The following SLC24A4 variants were observed in gnomAD, a reference collection of about 807,000 sequenced individuals.
The protein encoded by SLC24A4 is sodium/potassium/calcium exchanger 4.
A neutral mutation model predicts 79.0 loss-of-function variants in SLC24A4; 53 were observed. The ratio of observed to expected loss-of-function variants is 0.67; its 90% confidence interval spans 0.54 to 0.84. SLC24A4 has a LOEUF of 0.84. Ranked by LOEUF, SLC24A4 falls within the 40% of genes least tolerant of loss-of-function variation. The pLI, the probability that SLC24A4 is intolerant of heterozygous loss-of-function variation, is 0.00. For missense variants in SLC24A4, 731 were observed against 822.0 expected (o/e 0.89, Z 1.35); for synonymous variants, 323 against 323.8 (o/e 1.00, Z 0.03).
rs1031200811 is a variant in SLC24A4 at position 92,499,437 on chromosome 14, T to C, written c.*5809T>C. 2.0e-5 allele frequency: 3 copies of C among 152,226 alleles called. No homozygotes were observed. The highest frequency in any genetic ancestry group is 2.9e-5 in the Non-Finnish European group (2 of 68,040). 9.4% of individuals were successfully genotyped at this position (152,226 alleles called of 1,614,324 possible). On this transcript the variant is annotated 3_prime_UTR_variant, in exon 17 of 17. Transcript: ENST00000532405. ...TCCCTTGGATTTACAGGTCTGGGAATTGGCTGCTTCTTAGTTATAACCCCA... is the reference window on the plus strand; with the variant it reads ...TCCCTTGGATTTACAGGTCTGGGAACTGGCTGCTTCTTAGTTATAACCCCA...
intron 2 of SLC24A4, among the ~76,000 whole-genome samples, chr14:92,392,305 A>G (rs887873846): frequency 1.3e-5 from 2 of 151,768 alleles, no homozygotes; most frequent in African/African-American, 4.8e-5. Context: ...AAAAGACGAT[A>G]GCAAAAAATG....
chr14:92,345,998 GT>G (rs1471585360), intron 2 of SLC24A4, among the ~76,000 whole-genome samples: 1 of 152,164 alleles, frequency 6.6e-6, no homozygotes, highest in African/African-American at 2.4e-5. Flanking sequence ...AAAATCAGGT[GT>G]TTGGGGAGGT....
At chr14:92,444,774 G>C (rs1892694029) in intron 7 of SLC24A4, among the ~76,000 whole-genome samples, 1 of 152,096 alleles carries the variant, frequency 6.6e-6, no homozygotes, top group Non-Finnish European at 1.5e-5. Context: ...AGAATTGCTT[G>C]AACCTGGGAG....
chr14:92,393,728 A>G (rs1037874314), intron 2 of SLC24A4, among the ~76,000 whole-genome samples: 3 of 151,836 alleles, frequency 2.0e-5, no homozygotes, highest in Admixed American at 6.6e-5. Flanking sequence ...GAATTTTTTA[A>G]GGCTGGGCAT....
intron 12 of SLC24A4, among the ~76,000 whole-genome samples, chr14:92,475,559 G>T (rs1417488185): frequency 6.6e-6 from 1 of 152,232 alleles, no homozygotes; most frequent in Non-Finnish European, 1.5e-5. Context: ...GGCTGGCGGG[G>T]TTAACGGCTT....
chr14:92,358,851 T>C (rs1482993914), intron 2 of SLC24A4, among the ~76,000 whole-genome samples: 1 of 151,812 alleles, frequency 6.6e-6, no homozygotes, highest in Non-Finnish European at 1.5e-5. Context: ...CGTCATTTAA[T>C]TTTTGTGTTT....
At chr14:92,341,560 G>A (rs1886143332) in intron 2 of SLC24A4, among the ~76,000 whole-genome samples, 1 of 152,258 alleles carries the variant, frequency 6.6e-6, no homozygotes, top group Admixed American at 6.5e-5. Context: ...GTGTGAACAA[G>A]AGCACTTGAG....
rs746262604 is a variant in SLC24A4, at chr14:92,406,550, G to A, written c.242-27362G>A. On this transcript the variant is annotated intron_variant, in intron 2 of 16. Coordinates refer to ENST00000532405, the MANE Select transcript of SLC24A4 (RefSeq NM_153646.4). ...TTCCATACATCCTCTAAAATCTAGC[G>A]GAGGCTCCAAAATCTCAACTCTTGT... Among the ~76,000 whole-genome samples, 22 of 152,270 alleles carry A rather than the reference G, an allele frequency of 1.4e-4. No homozygotes were observed. In the South Asian group the frequency reaches 1.9e-3, roughly 13 times the overall value.
chr14:92,323,848 C>A lies in SLC24A4; in HGVS notation c.18C>A (p.Thr6=). 6.3e-7 allele frequency: 1 copy of A among 1,587,640 alleles called. No individual in the cohort carries two copies. The highest frequency in any genetic ancestry group is 8.5e-7 in the Non-Finnish European group (1 of 1,173,872). MALRG[T]LRPLKVRRRR... is the part of the protein sequence containing the mutation. ...GCTCCGGGATGGCGCTCCGCGGGAC[C>A]CTCCGGCCGCTCAAAGTTCGCAGGA... is the stretch of plus-strand genomic sequence containing the variant. Residue 6 remains threonine (T), a synonymous_variant, in exon 1 of 17, where the codon ACC becomes ACA. Coordinates refer to ENST00000532405, the MANE Select transcript of SLC24A4 (RefSeq NM_153646.4). This position sits in a 1 kb window ranked among gnomAD's most constrained non-coding sequence, Gnocchi z 4.9.
chr14:92,421,077 G>T (rs969165747), intron 2 of SLC24A4, among the ~76,000 whole-genome samples: 8 of 152,152 alleles, frequency 5.3e-5, no homozygotes, highest in South Asian at 4.1e-4. Context: ...TCCTCCAGGG[G>T]AGGCACGGTG....
chr14:92,431,290 G>A (rs1891855788), intron 2 of SLC24A4, among the ~76,000 whole-genome samples: 1 of 152,214 alleles, frequency 6.6e-6, no homozygotes, highest in South Asian at 2.1e-4. Flanking sequence ...AGGTTCTGCT[G>A]TGATCTCCAT....
At chr14:92,387,454 G>A (rs1293799355) in intron 2 of SLC24A4, among the ~76,000 whole-genome samples, 1 of 152,158 alleles carries the variant, frequency 6.6e-6, no homozygotes, top group Non-Finnish European at 1.5e-5. Flanking sequence ...TGGGATTACA[G>A]GCATGAGCCA....
intron 2 of SLC24A4, among the ~76,000 whole-genome samples, chr14:92,346,291 C>G (rs927228088): frequency 6.6e-6 from 1 of 152,222 alleles, no homozygotes; most frequent in African/African-American, 2.4e-5. Context: ...AAGCCTGTCA[C>G]TCTCAGACTC....
At chr14:92,347,136 T>C (rs1886584384) in intron 2 of SLC24A4, among the ~76,000 whole-genome samples, 1 of 152,240 alleles carries the variant, frequency 6.6e-6, no homozygotes, top group Non-Finnish European at 1.5e-5. Flanking sequence ...GTAGAGGCCC[T>C]TCAGCGGGTT....
chr14:92,426,305 G>A (rs1891564494), intron 2 of SLC24A4, among the ~76,000 whole-genome samples: 1 of 152,192 alleles, frequency 6.6e-6, no homozygotes, highest in Admixed American at 6.5e-5. Context: ...AAGGTGAAGA[G>A]CCAGCGTGTG....
At chr14:92,365,927 G>A (rs952574453) in intron 2 of SLC24A4, among the ~76,000 whole-genome samples, 1 of 152,162 alleles carries the variant, frequency 6.6e-6, no homozygotes, top group Non-Finnish European at 1.5e-5. Flanking sequence ...TCCATGCTGC[G>A]TGTACTAAGC....
At chr14:92,377,434 T>A (rs1389860694) in intron 2 of SLC24A4, among the ~76,000 whole-genome samples, 1 of 152,200 alleles carries the variant, frequency 6.6e-6, no homozygotes, top group East Asian at 1.9e-4. Flanking sequence ...GAGGGAGAGC[T>A]GTTTGCCCAA....
intron 12 of SLC24A4, among the ~76,000 whole-genome samples, chr14:92,466,141 G>C (rs4904923): frequency 0.7 from 106,316 of 151,670 alleles, 37,760 homozygotes; most frequent in Non-Finnish European, 0.76. Flanking sequence ...AGCTGTGTGA[G>C]CTTGGACAAG....
At position 92,497,283 on chromosome 14, in the gene SLC24A4, C is replaced by G. The variant is rs961843783; in HGVS notation, c.*3655C>G. On this transcript the variant is annotated 3_prime_UTR_variant, in exon 17 of 17. Transcript: ENST00000532405. ...CTACAGACCCTGACCAAAGGCCGTTCCTGGGCGGCCCAAGGTCCAGGTTTC... is the reference window on the plus strand; with the variant it reads ...CTACAGACCCTGACCAAAGGCCGTTGCTGGGCGGCCCAAGGTCCAGGTTTC... The G allele has an allele frequency of 6.6e-6, 1 of 152,254 alleles. No individual in the cohort carries two copies. The highest frequency in any genetic ancestry group is 2.4e-5 in the African/African-American group (1 of 41,450). 9.4% of individuals were successfully genotyped at this position (152,254 alleles called of 1,614,324 possible).
Sources: allele counts gnomAD v4.1 joint callset (sites outside exome capture counted in the v4.1 genomes callset), GRCh38; gene constraint gnomAD v4.1.1; non-coding constraint Gnocchi (gnomAD v3.1); transcripts MANE v1.5; gene names NCBI Gene and HGNC (gene_info 2026-07-23, HGNC 2026-07-21).